MGP: variants seen among roughly 807,000 people sequenced by gnomAD.
MGP encodes the protein matrix Gla protein, also known as cell growth-inhibiting gene 36 protein.
MGP carries 13 observed loss-of-function variants against 14.5 expected under a neutral mutation model. The ratio of observed to expected loss-of-function variants is 0.89; its 90% CI spans 0.58 to 1.42. The LOEUF (loss-of-function observed/expected upper bound fraction) is 1.42. Ranked by LOEUF, MGP falls within the 40% of genes most tolerant of loss-of-function variation. MGP has a pLI of 0.00. For missense variants in MGP, 128 were observed against 133.7 expected (o/e 0.96, Z 0.21); for synonymous variants, 44 against 46.3 (o/e 0.95, Z 0.20).
intron 1 of MGP, chr12:14,884,949 T>C (rs2120444622): frequency 1.4e-6 from 2 of 1,441,924 alleles, no homozygotes; most frequent in East Asian, 5.0e-5. Flanking sequence ...AGCAAGTGAA[T>C]TTTCTTCAAA....
At position 14,881,970 on chromosome 12, in the gene MGP, C is replaced by A; in HGVS notation, c.*169G>T. ...TTTGACCCTCACTGCAGTGCACTTTCATTACTTATCAATCTGGGGGCGGGA... is the reference window on the plus strand; with the variant it reads ...TTTGACCCTCACTGCAGTGCACTTTAATTACTTATCAATCTGGGGGCGGGA... On this transcript the variant is annotated 3_prime_UTR_variant, in exon 4 of 4. Coordinates refer to ENST00000539261, the MANE Select transcript of MGP (RefSeq NM_000900.5). The A allele has an allele frequency of 1.3e-6, 1 of 786,210 alleles. No homozygotes were observed. The highest frequency in any genetic ancestry group is 2.1e-6 in the Non-Finnish European group (1 of 476,546). 48.7% of individuals were successfully genotyped at this position (786,210 alleles called of 1,614,324 possible).
At chr12:14,885,533 C>T (rs111307398) in intron 1 of MGP, among the ~76,000 whole-genome samples, 198 bp downstream of exon 1, 1 of 152,084 alleles carries the variant, frequency 6.6e-6, no homozygotes, top group African/African-American at 2.4e-5. Context: ...TTGCATAAGA[C>T]TCTGGATATT....
intron 1 of MGP, among the ~76,000 whole-genome samples, chr12:14,884,584 T>C (rs1863418388): frequency 6.6e-6 from 1 of 152,200 alleles, no homozygotes; most frequent in South Asian, 2.1e-4. Flanking sequence ...TGTACAGAAG[T>C]CTCCAGAGAA....
intron 3 of MGP, 50 bp from the exon 4 acceptor site, chr12:14,882,330 T>C (rs770115373): frequency 1.3e-6 from 2 of 1,598,200 alleles, no homozygotes; most frequent in Admixed American, 3.3e-5. Flanking sequence ...AGTGGAAAAA[T>C]ACAAAAATGG....
rs1863385123 is a variant in MGP at position 14,882,224 on chromosome 12, T to C, written c.227A>G (p.Tyr76Cys). The C allele has an allele frequency of 4.3e-6, 7 of 1,614,068 alleles. No individual in the cohort carries two copies. The highest frequency in any genetic ancestry group is 4.5e-5 in the East Asian group (2 of 44,878). Residue 76 changes from tyrosine to cysteine, a missense_variant, in exon 4 of 4, where the codon TAC becomes TGC. Coordinates refer to ENST00000539261, the MANE Select transcript of MGP (RefSeq NM_000900.5). ...HELNREACDD[Y>C]RLCERYAMVY... is the part of the protein sequence containing the mutation. Reference sequence around the variant, plus strand: ...CATGGCGTAGCGTTCGCAAAGTCTGTAGTCATCACAGGCTTCCCTATTGAG... The same window carrying C: ...CATGGCGTAGCGTTCGCAAAGTCTGCAGTCATCACAGGCTTCCCTATTGAG...
In MGP at chr12:14,882,108, A is replaced by T; in HGVS notation, c.*31T>A. 6.2e-7 allele frequency: 1 copy of T among 1,613,476 alleles called. No homozygotes were observed. The highest frequency in any genetic ancestry group is 1.7e-5 in the Admixed American group (1 of 59,996). On this transcript the variant is annotated 3_prime_UTR_variant, in exon 4 of 4. Transcript: ENST00000539261. ...TACAAAATCAGGTGCCAGCCTCCAG[A>T]AAAAAAGAGATTTTTTTTCTTCCCT...
chr12:14,882,365 G>A lies in MGP; in HGVS notation c.171-85C>T, dbSNP rs1863388032. 2.0e-6 allele frequency: 3 copies of A among 1,489,072 alleles called. No homozygotes were observed. The East Asian group carries it at 6.9e-5, about 34-fold the overall frequency. 92.2% of individuals were successfully genotyped at this position (1,489,072 alleles called of 1,614,324 possible). ...GAAAAGAAGAAGAAAATATTGGAGA[G>A]ACTTTCTCTCCATGCCCCCCTATAT... On this transcript the variant is annotated intron_variant, in intron 3 of 3. Coordinates refer to ENST00000539261, the MANE Select transcript of MGP (RefSeq NM_000900.5).
intron 2 of MGP, chr12:14,883,798 C>CAAA (rs557009814): frequency 3.8e-4 from 58 of 152,578 alleles, no homozygotes; most frequent in African/African-American, 1.4e-3. Context: ...GACACTGTCT[C>CAAA]AAAAAAAAAA....
At position 14,881,957 on chromosome 12, in the gene MGP, TG is replaced by T. The variant is rs1863378448; in HGVS notation, c.*181del. Reference sequence around the variant, plus strand: ...ATGTTGACTCTCCTTTGACCCTCACTGCAGTGCACTTTCATTACTTATCAAT... The same window carrying T: ...ATGTTGACTCTCCTTTGACCCTCACTCAGTGCACTTTCATTACTTATCAAT... On this transcript the variant is annotated 3_prime_UTR_variant, in exon 4 of 4. Coordinates refer to ENST00000539261, the MANE Select transcript of MGP (RefSeq NM_000900.5). 2 of 692,412 alleles carry T rather than the reference TG, an allele frequency of 2.9e-6. No homozygotes were observed. The highest frequency in any genetic ancestry group is 3.4e-5 in the South Asian group (2 of 58,586). The allele number at this position is 692,412 out of a possible 1,614,324, so 42.9% of individuals were successfully genotyped here.
chr12:14,884,416 A>G (rs529290801), intron 1 of MGP, among the ~76,000 whole-genome samples, 171 bp from the exon 2 acceptor site: 15 of 152,252 alleles, frequency 9.9e-5, no homozygotes, highest in Middle Eastern at 3.4e-3. Flanking sequence ...AATTTCAGGA[A>G]TTTAGGATTT....
At chr12:14,884,343 G>A in intron 1 of MGP, 98 bp from the exon 2 acceptor site, 1 of 805,770 alleles carries the variant, frequency 1.2e-6, no homozygotes, top group Non-Finnish European at 1.9e-6. Context: ...TTAAATACAG[G>A]GATGGAAGAA....
Position 14,884,993 on chromosome 12 carries a change from A to G in MGP, c.61+738T>C, listed in dbSNP as rs79300445. On this transcript the variant is annotated intron_variant, in intron 1 of 3. Coordinates refer to ENST00000539261, the MANE Select transcript of MGP (RefSeq NM_000900.5). ...AGGAGGTGAAGAAATCAAATCCTCT[A>G]ATACAGAAAATTTGTGAATACAAGA... 6,122 of 883,698 alleles carry G rather than the reference A, an allele frequency of 6.9e-3. 122 individuals carry two copies. Among genetic ancestry groups the G allele is most frequent in the South Asian group, 0.04 (2,085 of 51,962 alleles). The allele number at this position is 883,698 out of a possible 1,614,324, so 54.7% of individuals were successfully genotyped here.
At position 14,881,264 on chromosome 12, in the gene MGP, G is replaced by A. The variant is rs973404039; in HGVS notation, c.*875C>T. On this transcript the variant is annotated 3_prime_UTR_variant, in exon 4 of 4. Transcript: ENST00000539261. ...GGCTGGAGTGCATTGGTATGGTCAT[G>A]GCTACTGAGATTACAGGTGTGGCCA... 6.6e-6 allele frequency: 1 copy of A among 152,116 alleles called. No individual in the cohort carries two copies. Among genetic ancestry groups the A allele is most frequent in the Non-Finnish European group, 1.5e-5 (1 of 68,022 alleles). The allele number at this position is 152,116 out of a possible 1,614,324, so 9.4% of individuals were successfully genotyped here.
At chr12:14,885,105 A>G (rs1015260482) in intron 1 of MGP, among the ~76,000 whole-genome samples, 2 of 152,246 alleles carry the variant, frequency 1.3e-5, no homozygotes, top group African/African-American at 4.8e-5. Flanking sequence ...AAAGACTGAA[A>G]TAAGTAAATA....
At chr12:14,883,991 T>C (rs1248388190) in intron 2 of MGP, 1 of 391,422 alleles carries the variant, frequency 2.6e-6, no homozygotes, top group Non-Finnish European at 4.8e-6. Context: ...GGCTTCTAAA[T>C]ATGTCGCCTG....
At chr12:14,883,224 A>C in intron 2 of MGP, 177 bp from the exon 3 acceptor site, 1 of 603,596 alleles carries the variant, frequency 1.7e-6, no homozygotes, top group Non-Finnish European at 3.0e-6. Context: ...TCCTGATCAA[A>C]TGAAATCAGT....
At chr12:14,883,475 T>C in intron 2 of MGP, 1 of 224,002 alleles carries the variant, frequency 4.5e-6, no homozygotes, top group Non-Finnish European at 9.0e-6. Context: ...TTTCCTCCTA[T>C]GCTCAGTCTT....
chr12:14,881,868 C>T lies in MGP; in HGVS notation c.*271G>A. ...TGATTTAAATATCTCAATATCTTCC[C>T]AAAAGAAAGCAGATTTACAAGATGA... On this transcript the variant is annotated 3_prime_UTR_variant, in exon 4 of 4. Transcript: ENST00000539261. The T allele has an allele frequency of 2.3e-6, 1 of 443,236 alleles. No homozygotes were observed. Among genetic ancestry groups the T allele is most frequent in the Non-Finnish European group, 4.2e-6 (1 of 240,770 alleles). 27.5% of individuals were successfully genotyped at this position (443,236 alleles called of 1,614,324 possible).
Position 14,881,867 on chromosome 12 carries a change from C to T in MGP, c.*272G>A. On this transcript the variant is annotated 3_prime_UTR_variant, in exon 4 of 4. Transcript: ENST00000539261. ...ATGATTTAAATATCTCAATATCTTCCCAAAAGAAAGCAGATTTACAAGATG... is the reference window on the plus strand; with the variant it reads ...ATGATTTAAATATCTCAATATCTTCTCAAAAGAAAGCAGATTTACAAGATG... 2 of 436,780 alleles carry T rather than the reference C, an allele frequency of 4.6e-6. No individual in the cohort carries two copies. The highest frequency in any genetic ancestry group is 4.2e-6 in the Non-Finnish European group (1 of 236,762). The allele number at this position is 436,780 out of a possible 1,614,324, so 27.1% of individuals were successfully genotyped here.
Sources: allele counts gnomAD v4.1 joint callset (sites outside exome capture counted in the v4.1 genomes callset), GRCh38; gene constraint gnomAD v4.1.1; transcripts MANE v1.5; gene names NCBI Gene and HGNC (gene_info 2026-07-23, HGNC 2026-07-21).